Variants in CIMIP2B observed in about 807,000 individuals in gnomAD.
CIMIP2B encodes the protein ciliary microtubule inner protein 2B.
chr9:35,562,956 C>T, the CIMIP2B span: 1 of 1,613,928 alleles, frequency 6.2e-7, no homozygotes, highest in African/African-American at 1.3e-5. Context: ...CCTTTCTTCC[C>T]TTGGCCTCCT....
chr9:35,562,666 C>T, the CIMIP2B span: 94 of 1,613,664 alleles, frequency 5.8e-5, 1 homozygote, highest in Middle Eastern at 3.8e-3. Context: ...GAAGAACTTC[C>T]GAGGGTCCCT....
chr9:35,562,325 T>C, the CIMIP2B span: 1 of 962,248 alleles, frequency 1.0e-6, no homozygotes, highest in East Asian at 3.1e-5. Flanking sequence ...ACCCACCCCA[T>C]ACCCATACAA....
At chr9:35,563,160 AC>A in the CIMIP2B span, 1 of 1,613,932 alleles carries the variant, frequency 6.2e-7, no homozygotes. Flanking sequence ...ATACCTGCGT[AC>A]AAACCTGTGT....
the CIMIP2B span, chr9:35,562,524 G>A: frequency 6.3e-7 from 1 of 1,576,404 alleles, no homozygotes. Context: ...GTGAGCACAG[G>A]AAAGCTGGAG....
chr9:35,561,922 C>CCT, the CIMIP2B span: 1 of 155,412 alleles, frequency 6.4e-6, no homozygotes. Flanking sequence ...TTCCCCCACC[C>CCT]TCCCACCCTC....
chr9:35,562,763 G>A, the CIMIP2B span: 3 of 1,609,950 alleles, frequency 1.9e-6, no homozygotes, highest in African/African-American at 1.3e-5. Flanking sequence ...ACAATCAAGT[G>A]CACATCCCCT....
the CIMIP2B span, chr9:35,561,931 T>TCCCA: frequency 4.4e-5 from 9 of 204,400 alleles, no homozygotes; most frequent in African/African-American, 4.1e-4. Context: ...CCTCCCACCC[T>TCCCA]CCCACCCACC....
At chr9:35,563,835 C>T in the CIMIP2B span, 1 of 1,613,724 alleles carries the variant, frequency 6.2e-7, no homozygotes, top group Non-Finnish European at 8.5e-7. Context: ...CCATGGGGAG[C>T]CGGGCATTTC....
chr9:35,562,291 G>A, the CIMIP2B span: 1 of 1,210,414 alleles, frequency 8.3e-7, no homozygotes, highest in South Asian at 1.6e-5. Context: ...ATATCTATTA[G>A]TTTCAACCCC....
chr9:35,562,669 G>A, the CIMIP2B span: 24 of 1,613,684 alleles, frequency 1.5e-5, no homozygotes, highest in South Asian at 1.4e-4. Flanking sequence ...GAACTTCCGA[G>A]GGTCCCTGTC....
At chr9:35,563,535 T>G in the CIMIP2B span, 1 of 759,262 alleles carries the variant, frequency 1.3e-6, no homozygotes, top group Non-Finnish European at 2.2e-6. Flanking sequence ...TGCCTGGGCT[T>G]TCGATCCTTC....
At chr9:35,562,610 G>T in the CIMIP2B span, 10 of 1,610,958 alleles carry the variant, frequency 6.2e-6, no homozygotes, top group East Asian at 2.2e-5. Context: ...GCATCCTGGG[G>T]CCTCCCCACG....
chr9:35,562,216 G>A, the CIMIP2B span: 2 of 1,001,314 alleles, frequency 2.0e-6, no homozygotes, highest in Non-Finnish European at 2.9e-6. Flanking sequence ...CCCCACTGTG[G>A]GTAGCTACCT....
the CIMIP2B span, chr9:35,563,690 G>A: frequency 1.4e-6 from 2 of 1,390,458 alleles, no homozygotes; most frequent in African/African-American, 2.8e-5. Context: ...TTGGCCCCAT[G>A]CTCTAAGCAG....
the CIMIP2B span, chr9:35,562,501 C>T: frequency 6.3e-7 from 1 of 1,578,098 alleles, no homozygotes; most frequent in South Asian, 1.2e-5. Flanking sequence ...CAAATTCCTG[C>T]AGTGCCTGGT....
At chr9:35,561,919 A>ACCTTCCCCCCCCCCC in the CIMIP2B span, 1 of 109,272 alleles carries the variant, frequency 9.2e-6, no homozygotes. Flanking sequence ...GTGTTCCCCC[A>ACCTTCCCCCCCCCCC]CCCTCCCACC....
the CIMIP2B span, chr9:35,562,239 C>G: frequency 9.6e-7 from 1 of 1,043,508 alleles, no homozygotes; most frequent in South Asian, 1.7e-5. Flanking sequence ...GTTTCCTTTT[C>G]TGCCTGATAA....
At chr9:35,563,463 G>T in the CIMIP2B span, 1 of 1,184,904 alleles carries the variant, frequency 8.4e-7, no homozygotes, top group Non-Finnish European at 1.2e-6. Context: ...GGAGACCTCT[G>T]AAGCCCTGAT....
the CIMIP2B span, chr9:35,563,193 T>C: frequency 7.0e-4 from 1,132 of 1,614,018 alleles, 1 homozygote; most frequent in Middle Eastern, 1.2e-3. Context: ...ATGCTGGAGC[T>C]GAGCCTTTCT....
Sources: allele counts gnomAD v4.1 joint callset, GRCh38; gene constraint gnomAD v4.1.1; transcripts MANE v1.5; gene names NCBI Gene and HGNC (gene_info 2026-07-23, HGNC 2026-07-21).